The following CDK7 variants were observed in gnomAD, a reference collection of about 807,000 sequenced individuals.
The protein encoded by CDK7 is cyclin dependent kinase 7.
In CDK7, 25 loss-of-function variants were observed where a neutral mutation model predicts 49.1. The ratio of observed to expected loss-of-function variants is 0.51; its 90% CI spans 0.37 to 0.71. The LOEUF is 0.71. Ranked by LOEUF, CDK7 falls within the 30% of genes least tolerant of loss-of-function variation. CDK7 has a pLI of 0.00. For synonymous variants in CDK7, 107 were observed against 140.0 expected, an observed-to-expected ratio of 0.76 and a Z score of 1.67; for missense variants, 316 against 411.7, an observed-to-expected ratio of 0.77 and a Z score of 2.01.
chr5:69,241,731 C>A (rs1351537278), intron 2 of CDK7, among the ~76,000 whole-genome samples: 2 of 152,162 alleles, frequency 1.3e-5, no homozygotes, highest in Non-Finnish European at 2.9e-5. Context: ...CTACTCAGAT[C>A]TTTCGCCCAT....
chr5:69,240,797 T>G (rs973381200), intron 2 of CDK7, among the ~76,000 whole-genome samples: 5 of 151,994 alleles, frequency 3.3e-5, no homozygotes, highest in African/African-American at 1.2e-4. Flanking sequence ...CCAGCTAATT[T>G]TTTGTATTTT....
rs1750172948 is a variant in CDK7 at position 69,251,959 on chromosome 5, A to G, written c.127-459A>G. Among the ~76,000 whole-genome samples the G allele has an allele frequency of 5.3e-5, 8 of 152,332 alleles. No individual in the cohort carries two copies. In the South Asian group the frequency reaches 1.7e-3, roughly 32 times the overall value. ...TGTTATGTTTATTCAGAGTAACAACATTTTAACCATCACAATTTGTAATTT... is the reference window on the plus strand; with the variant it reads ...TGTTATGTTTATTCAGAGTAACAACGTTTTAACCATCACAATTTGTAATTT... On this transcript the variant is annotated intron_variant, in intron 2 of 11. Transcript: ENST00000256443.
At position 69,259,847 on chromosome 5, in the gene CDK7, T is replaced by A. The variant is rs1456334878; in HGVS notation, c.438T>A (p.Asp146Glu). The A allele has an allele frequency of 3.1e-6, 5 of 1,613,940 alleles. No individual in the cohort carries two copies. In the African/African-American group the frequency reaches 6.7e-5, roughly 22 times the overall value. ...RDLKPNNLLL[D>E]ENGVLKLADF... ...TGAAACCAAACAACTTGTTGCTAGATGAAAATGGAGTTCTAAAACTGGCAG... is the reference window on the plus strand; with the variant it reads ...TGAAACCAAACAACTTGTTGCTAGAAGAAAATGGAGTTCTAAAACTGGCAG... The change falls in exon 7 of 12, where the codon GAT (aspartate) becomes GAA (glutamate). Residue 146 changes from aspartate (D) to glutamate (E), a missense_variant. Physicochemically the swap from Asp to Glu is conservative, Grantham distance 45. Transcript: ENST00000256443.
chr5:69,244,014 A>G (rs1253045347), intron 2 of CDK7, among the ~76,000 whole-genome samples: 1 of 150,282 alleles, frequency 6.7e-6, no homozygotes, highest in African/African-American at 2.5e-5. Context: ...TTGTATTTTT[A>G]GTAGAGACGG....
At chr5:69,273,374 A>G (rs1471231993) in intron 10 of CDK7, among the ~76,000 whole-genome samples, 1 of 152,210 alleles carries the variant, frequency 6.6e-6, no homozygotes, top group Non-Finnish European at 1.5e-5. Flanking sequence ...AAACTGGTAT[A>G]TTTCAGTTGA....
At chr5:69,260,449 C>CTT (rs1561364705) in intron 7 of CDK7, among the ~76,000 whole-genome samples, 2 of 152,088 alleles carry the variant, frequency 1.3e-5, no homozygotes, top group African/African-American at 4.8e-5. Context: ...CAAACAGAGT[C>CTT]TAACTTAATC....
intron 8 of CDK7, 36 bp from the exon 9 acceptor site, chr5:69,269,170 AC>A (rs776844017): frequency 5.4e-6 from 7 of 1,292,814 alleles, no homozygotes; most frequent in Non-Finnish European, 5.4e-6. Flanking sequence ...AAAAAAAAAA[AC>A]CCACCTTGAA....
At chr5:69,240,535 C>G (rs187021259) in intron 2 of CDK7, among the ~76,000 whole-genome samples, 44 of 152,302 alleles carry the variant, frequency 2.9e-4, no homozygotes, top group Non-Finnish European at 5.3e-4. Context: ...ATATTGGTCA[C>G]TGTTGAATCT....
intron 2 of CDK7, among the ~76,000 whole-genome samples, chr5:69,235,929 T>C (rs1368845135): frequency 6.6e-6 from 1 of 152,212 alleles, no homozygotes; most frequent in Non-Finnish European, 1.5e-5. Flanking sequence ...ATTCAGTAGC[T>C]TCTTATATTC....
intron 5 of CDK7, 52 bp downstream of exon 5, chr5:69,255,580 A>G: frequency 8.0e-7 from 1 of 1,252,282 alleles, no homozygotes; most frequent in African/African-American, 1.5e-5. Context: ...ATCAAACAAG[A>G]ACCTAAATAT....
At chr5:69,262,409 C>A in intron 8 of CDK7, 105 bp downstream of exon 8, 1 of 1,482,386 alleles carries the variant, frequency 6.7e-7, no homozygotes, top group Non-Finnish European at 9.3e-7. Context: ...TGGCTCACGC[C>A]TGTAATCCCA....
chr5:69,234,871 A>C (rs1748833390), upstream of CDK7: 1 of 1,150,786 alleles, frequency 8.7e-7, no homozygotes. Flanking sequence ...AAAGCGACGG[A>C]GCCCGGTGGA....
chr5:69,269,110 G>C, intron 8 of CDK7, 97 bp from the exon 9 acceptor site: 1 of 716,488 alleles, frequency 1.4e-6, no homozygotes, highest in African/African-American at 1.8e-5. Context: ...ACTCACTGCA[G>C]CCTGGGTGAC....
At chr5:69,269,690 A>T (rs1430084593) in intron 9 of CDK7, among the ~76,000 whole-genome samples, 1 of 151,942 alleles carries the variant, frequency 6.6e-6, no homozygotes, top group Non-Finnish European at 1.5e-5. Flanking sequence ...TTACACACAC[A>T]TGCACACATG....
At chr5:69,249,970 C>A (rs1750032767) in intron 2 of CDK7, among the ~76,000 whole-genome samples, 1 of 152,224 alleles carries the variant, frequency 6.6e-6, no homozygotes, top group Non-Finnish European at 1.5e-5. Flanking sequence ...ATTCTGAATT[C>A]CTTCTCTGTG....
chr5:69,256,863 G>T (rs962775500), intron 5 of CDK7, among the ~76,000 whole-genome samples: 81 of 143,254 alleles, frequency 5.7e-4, no homozygotes, highest in African/African-American at 1.9e-3. Context: ...CTCGAAAAAA[G>T]AAAAAAAAAA....
At chr5:69,244,995 G>C (rs1265675787) in intron 2 of CDK7, among the ~76,000 whole-genome samples, 4 of 152,048 alleles carry the variant, frequency 2.6e-5, no homozygotes, top group Non-Finnish European at 4.4e-5. Flanking sequence ...ATTGATTATA[G>C]CATATGTTGA....
chr5:69,257,034 G>A (rs1368261488), intron 5 of CDK7, among the ~76,000 whole-genome samples: 1 of 152,128 alleles, frequency 6.6e-6, no homozygotes, highest in Non-Finnish European at 1.5e-5. Flanking sequence ...CAGCAACATA[G>A]ATGAATCTGA....
intron 2 of CDK7, among the ~76,000 whole-genome samples, chr5:69,240,988 T>A (rs906665537): frequency 6.6e-6 from 1 of 152,192 alleles, no homozygotes; most frequent in Non-Finnish European, 1.5e-5. Context: ...TTCATTCATT[T>A]GTTGACAGAC....
Sources: gnomAD v4.1 joint callset for allele counts (sites outside exome capture counted in the v4.1 genomes callset) on GRCh38, gnomAD v4.1.1 for gene constraint, MANE v1.5 for transcripts, NCBI Gene and HGNC (gene_info 2026-07-23, HGNC 2026-07-21) for gene names.